The following GPD2 variants were observed in gnomAD, a reference collection of about 807,000 sequenced individuals.
GPD2 encodes glycerol-3-phosphate dehydrogenase, mitochondrial.
GPD2 carries 54 observed loss-of-function variants against 82.4 expected under a neutral mutation model. The ratio of observed to expected loss-of-function variants is 0.66; its 90% CI spans 0.53 to 0.82. GPD2 has a LOEUF of 0.82. Ranked by LOEUF, GPD2 falls within the 40% of genes least tolerant of loss-of-function variation. The probability of loss-of-function intolerance (pLI) is 0.00; values close to 1 mark genes in which losing one functional copy is unlikely to be tolerated. For missense variants in GPD2, 748 were observed against 896.2 expected (o/e 0.83, Z 2.11); for synonymous variants, 288 against 306.1 (o/e 0.94, Z 0.62).
chr2:156,508,636 G>T (rs145289458), intron 3 of GPD2, among the ~76,000 whole-genome samples: 16 of 152,276 alleles, frequency 1.1e-4, no homozygotes, highest in African/African-American at 3.9e-4. Context: ...CCATGACAGT[G>T]ATTCCAGGGT....
chr2:156,487,970 A>G (rs1684008380), intron 2 of GPD2, among the ~76,000 whole-genome samples: 1 of 152,240 alleles, frequency 6.6e-6, no homozygotes, highest in Admixed American at 6.5e-5. Context: ...TCTAATTGCT[A>G]TTAAAAGAAC....
At chr2:156,464,852 C>T (rs1683096711) in intron 1 of GPD2, among the ~76,000 whole-genome samples, 1 of 151,802 alleles carries the variant, frequency 6.6e-6, no homozygotes, top group Admixed American at 6.6e-5. Context: ...GGTACATTTT[C>T]TTTTCTTTTT....
chr2:156,487,860 G>A (rs1208082143), intron 2 of GPD2, among the ~76,000 whole-genome samples: 1 of 152,136 alleles, frequency 6.6e-6, no homozygotes, highest in Non-Finnish European at 1.5e-5. Context: ...AGTCAATTAC[G>A]TTGTTAACTT....
intron 8 of GPD2, among the ~76,000 whole-genome samples, chr2:156,553,550 A>C (rs1478696914): frequency 6.6e-6 from 1 of 152,188 alleles, no homozygotes; most frequent in Non-Finnish European, 1.5e-5. Context: ...TCATAGAAAA[A>C]AATAGAAATA....
At position 156,479,556 on chromosome 2, in the gene GPD2, T is replaced by C. The variant is rs528551770; in HGVS notation, c.102+3349T>C. Among the ~76,000 whole-genome samples, 16 of 152,322 alleles carry C rather than the reference T, an allele frequency of 1.1e-4. No homozygotes were observed. The South Asian group carries it at 2.9e-3, about 28-fold the overall frequency. On this transcript the variant is annotated intron_variant, in intron 2 of 16. Coordinates refer to ENST00000438166, the MANE Select transcript of GPD2 (RefSeq NM_000408.5). ...GGAAACAGGTCAGATTTAGAAGAGA[T>C]AGAGGAATGTGAGGGTTGTTATAGC...
At chr2:156,531,552 G>A (rs981877732) in intron 6 of GPD2, among the ~76,000 whole-genome samples, 2 of 152,228 alleles carry the variant, frequency 1.3e-5, no homozygotes, top group African/African-American at 2.4e-5. Context: ...TAGCAAAGCC[G>A]GACCTTATCT....
chr2:156,509,492 C>G (rs1410247931), intron 3 of GPD2, among the ~76,000 whole-genome samples: 2 of 152,114 alleles, frequency 1.3e-5, no homozygotes, highest in Non-Finnish European at 1.5e-5. Flanking sequence ...CTTTCATCCT[C>G]CAAGAGTGTT....
chr2:156,526,356 T>A (rs1462008897), intron 6 of GPD2, among the ~76,000 whole-genome samples: 2 of 152,186 alleles, frequency 1.3e-5, no homozygotes, highest in African/African-American at 4.8e-5. Context: ...CAAATGCTGT[T>A]ATTATCATTA....
intron 8 of GPD2, among the ~76,000 whole-genome samples, chr2:156,554,157 G>A (rs895850263): frequency 6.6e-6 from 1 of 152,178 alleles, no homozygotes; most frequent in Non-Finnish European, 1.5e-5. Context: ...CCATAGGGGT[G>A]GTTTTCCTCT....
chr2:156,400,851 C>A, the GPD2 span, among the ~76,000 whole-genome samples: 1 of 152,156 alleles, frequency 6.6e-6, no homozygotes, highest in African/African-American at 2.4e-5. Context: ...AATCAGCCGA[C>A]GTTTGCTTTT....
intron 6 of GPD2, among the ~76,000 whole-genome samples, chr2:156,544,409 GAGTT>G (rs1686447150): frequency 1.3e-5 from 2 of 152,188 alleles, no homozygotes. Context: ...GGTGAGTTGA[GAGTT>G]AGAGTGGGGC....
At position 156,569,605 on chromosome 2, in the gene GPD2, G is replaced by A. The variant is rs944934280; in HGVS notation, c.1476+67G>A. On this transcript the variant is annotated intron_variant, in intron 11 of 16. Transcript: ENST00000438166. ...TCTCACTGCTGCCAGTGACAGAACT[G>A]GCAGCAATCAGGTCTCCCTGATTGA... is the stretch of plus-strand genomic sequence containing the variant. The A allele has an allele frequency of 7.7e-5, 71 of 923,202 alleles. No homozygotes were observed. The African/African-American group carries it at 9.7e-4, about 13-fold the overall frequency. 57.2% of individuals were successfully genotyped at this position (923,202 alleles called of 1,614,324 possible).
intron 6 of GPD2, among the ~76,000 whole-genome samples, chr2:156,545,867 A>G (rs1686511727): frequency 6.6e-6 from 1 of 152,160 alleles, no homozygotes; most frequent in Non-Finnish European, 1.5e-5. Context: ...CAAAATATTT[A>G]TATTTGAGGC....
chr2:156,470,354 C>T (rs1315998695), intron 1 of GPD2, among the ~76,000 whole-genome samples: 1 of 152,056 alleles, frequency 6.6e-6, no homozygotes, highest in Non-Finnish European at 1.5e-5. Flanking sequence ...CGCCACCATG[C>T]CCAGCTAATT....
At chr2:156,409,617 T>C in the GPD2 span, among the ~76,000 whole-genome samples, 1 of 152,262 alleles carries the variant, frequency 6.6e-6, no homozygotes, top group African/African-American at 2.4e-5. Flanking sequence ...GGAGGATCAC[T>C]TGAGCCTGGG....
the GPD2 span, among the ~76,000 whole-genome samples, chr2:156,406,074 G>A: frequency 2.4e-4 from 36 of 148,812 alleles, no homozygotes; most frequent in African/African-American, 7.2e-4. Context: ...GTGAGTGATC[G>A]TATTGATTTA....
In GPD2 at chr2:156,568,899, C is replaced by G. The variant is rs1302821503; in HGVS notation, c.1240C>G (p.Gln414Glu). 7.4e-6 allele frequency: 12 copies of G among 1,611,582 alleles called. No homozygotes were observed. The highest frequency in any genetic ancestry group is 1.0e-5 in the Non-Finnish European group (12 of 1,177,846). Residue 414 changes from glutamine to glutamate, a missense_variant, in exon 10 of 17, where the codon CAG becomes GAG. This residue lies in a region of GPD2 where 692 missense variants were observed against 809.7 expected (regional missense o/e 0.85). Transcript: ENST00000438166. ...LVTDPKSADT[Q>E]SISRNHVVDI... ...TACAGACCCCAAATCTGCAGATACT[C>G]AGTCTATCTCCCGAAATCATGTTGT... is the stretch of plus-strand genomic sequence containing the variant.
intron 1 of GPD2, among the ~76,000 whole-genome samples, chr2:156,466,226 TG>T (rs1409584004): frequency 6.6e-6 from 1 of 152,132 alleles, no homozygotes; most frequent in African/African-American, 2.4e-5. Flanking sequence ...ATATCTGGAG[TG>T]ATACAGAGTA....
At chr2:156,580,227 A>G (rs1687980526) in intron 16 of GPD2, among the ~76,000 whole-genome samples, 1 of 152,232 alleles carries the variant, frequency 6.6e-6, no homozygotes, top group Admixed American at 6.5e-5. Flanking sequence ...TCACTAATGA[A>G]TCATATTCAT....
Sources: gnomAD v4.1 joint callset for allele counts (sites outside exome capture counted in the v4.1 genomes callset) on GRCh38, gnomAD v4.1.1 for gene constraint, gnomAD v4.1.1 regional missense constraint, MANE v1.5 for transcripts, NCBI Gene and HGNC (gene_info 2026-07-23, HGNC 2026-07-21) for gene names.